The following WDR87 variants were observed in gnomAD, a reference collection of about 807,000 sequenced individuals.
WDR87 encodes the protein WD repeat-containing protein 87.
In WDR87, 56 loss-of-function variants were observed where a neutral mutation model predicts 83.3. That is an observed-to-expected ratio of 0.67 (90% CI 0.54 to 0.84). WDR87 has a LOEUF of 0.84. WDR87 is among the 40% of genes least tolerant of loss of function. The pLI, the probability that WDR87 is intolerant of heterozygous loss-of-function variation, is 0.00. For missense variants in WDR87, 2,939 were observed against 3,431.9 expected, an observed-to-expected ratio of 0.86 and a Z score of 3.59; for synonymous variants, 1,173 against 1,250.6, an observed-to-expected ratio of 0.94 and a Z score of 1.31.
In WDR87 at chr19:37,887,265, T is replaced by C. The variant is rs1318113895; in HGVS notation, c.6406A>G (p.Met2136Val). ...ERKLTQEEIK[M>V]TKMKRALFVK... ...AAGAGTGCCCTCTTCATCTTTGTCATTTTTATTTCTTCCTGTGTTAGTTTC... is the reference window on the plus strand; with the variant it reads ...AAGAGTGCCCTCTTCATCTTTGTCACTTTTATTTCTTCCTGTGTTAGTTTC... Residue 2136 changes from methionine to valine, a missense_variant, in exon 6 of 6, where the codon ATG becomes GTG. This residue lies in a region of WDR87 where 2,160 missense variants were observed against 2,533.1 expected (regional missense o/e 0.85). Coordinates refer to ENST00000447313, the MANE Select transcript of WDR87 (RefSeq NM_001291088.2). The C allele has an allele frequency of 1.9e-6, 3 of 1,551,322 alleles. No individual in the cohort carries two copies. The highest frequency in any genetic ancestry group is 4.9e-5 in the East Asian group (2 of 40,908).
Position 37,886,643 on chromosome 19 carries a change from T to C in WDR87, c.7028A>G (p.Glu2343Gly), listed in dbSNP as rs756437293. ...KKKEEVQEKE[E>G]VFEEKEEIMS... Reference sequence around the variant, plus strand: ...AATTTCTTCTTTCTCCTCAAACACTTCTTCCTTCTCCTGAACCTCCTCCTT... The same window carrying C: ...AATTTCTTCTTTCTCCTCAAACACTCCTTCCTTCTCCTGAACCTCCTCCTT... Residue 2343 changes from glutamate (E) to glycine (G), a missense_variant, in exon 6 of 6, where the codon GAA becomes GGA. By Grantham distance (98) the Glu-to-Gly change is moderately conservative. Transcript: ENST00000447313. 6.6e-6 allele frequency: 10 copies of C among 1,521,260 alleles called. No individual in the cohort carries two copies. The South Asian group carries it at 1.2e-4, about 19-fold the overall frequency. The allele number at this position is 1,521,260 out of a possible 1,614,324, so 94.2% of individuals were successfully genotyped here.
In WDR87 at chr19:37,886,943, T is replaced by G; in HGVS notation, c.6728A>C (p.Lys2243Thr). The change falls in exon 6 of 6, where the codon AAG becomes ACG. Residue 2243 changes from lysine to threonine, a missense_variant. Transcript: ENST00000447313. Reference sequence around the variant, plus strand: ...CTTTTCTTTTGGTTTGTCACCTCTCTTGGCCTCTTTCCTCTTTCTCCACCT... The same window carrying G: ...CTTTTCTTTTGGTTTGTCACCTCTCGTGGCCTCTTTCCTCTTTCTCCACCT... ...KRRWRKRKEAKRGDKPKEKFS... is the reference protein window; with the variant it reads ...KRRWRKRKEATRGDKPKEKFS... 1 of 1,552,022 alleles carries G rather than the reference T, an allele frequency of 6.4e-7. No individual in the cohort carries two copies. The highest frequency in any genetic ancestry group is 1.4e-5 in the African/African-American group (1 of 73,144).
At chr19:37,900,252 C>T (rs1038694833) in intron 1 of WDR87, among the ~76,000 whole-genome samples, 2 of 152,084 alleles carry the variant, frequency 1.3e-5, no homozygotes, top group Non-Finnish European at 2.9e-5. Flanking sequence ...GTGTTTGAGT[C>T]TACAAAGGGC....
chr19:37,902,076 A>G (rs868191150), intron 1 of WDR87, among the ~76,000 whole-genome samples: 2 of 151,952 alleles, frequency 1.3e-5, no homozygotes, highest in Middle Eastern at 3.4e-3. Flanking sequence ...TTCCCACACC[A>G]TAGACCAGTT....
intron 3 of WDR87, 160 bp downstream of exon 3, chr19:37,895,978 T>C: frequency 9.9e-7 from 1 of 1,014,462 alleles, no homozygotes; most frequent in Non-Finnish European, 1.4e-6. Context: ...TACAACCTAC[T>C]CAACATGGGG....
At position 37,889,741 on chromosome 19, in the gene WDR87, T is replaced by A; in HGVS notation, c.3930A>T (p.Thr1310=). The A allele has an allele frequency of 6.4e-7, 1 of 1,551,722 alleles. No homozygotes were observed. Among genetic ancestry groups the A allele is most frequent in the Non-Finnish European group, 8.7e-7 (1 of 1,146,994 alleles). The change falls in exon 6 of 6, where the codon ACA becomes ACT. Residue 1310 remains threonine (T), a synonymous_variant. Coordinates refer to ENST00000447313, the MANE Select transcript of WDR87 (RefSeq NM_001291088.2). ...TATCTACCAGCATCTCCTGAGCAAA[T>A]GTCACTAGCTCAGCGTTTAGGTTTT... ...MSENLNAELV[T]FAQEMLVDRH...
chr19:37,889,444 G>C lies in WDR87; in HGVS notation c.4227C>G (p.Gly1409=), dbSNP rs898346777. The change falls in exon 6 of 6, where the codon GGC becomes GGG. Residue 1409 remains glycine (G), a synonymous_variant. Coordinates refer to ENST00000447313, the MANE Select transcript of WDR87 (RefSeq NM_001291088.2). The stretch of plus-strand genomic sequence containing the variant: ...CTGGTTCTAAAAAAATAACTTTCTT[G>C]CCCTTTTTCAAAATCACTTGGGTTT... The part of the protein sequence containing the change: ...LEETQVILKK[G]KKVIFLEPGN... 6.4e-7 allele frequency: 1 copy of C among 1,551,380 alleles called. No homozygotes were observed. Among genetic ancestry groups the C allele is most frequent in the Non-Finnish European group, 8.7e-7 (1 of 1,147,004 alleles).
intron 3 of WDR87, 83 bp downstream of exon 3, chr19:37,896,055 C>T (rs907914065): frequency 7.4e-5 from 110 of 1,489,546 alleles, no homozygotes; most frequent in Non-Finnish European, 9.9e-5. Flanking sequence ...TGGGGAATAT[C>T]CTCCTTTGTC....
chr19:37,892,462 GCT>G, intron 4 of WDR87, 114 bp downstream of exon 4: 1 of 996,342 alleles, frequency 1.0e-6, no homozygotes, highest in East Asian at 2.6e-5. Flanking sequence ...GTGAGCAAAG[GCT>G]ATGAGAAAGA....
In WDR87 at chr19:37,893,765, T is replaced by C; in HGVS notation, c.1938A>G (p.Ser646=). The C allele has an allele frequency of 6.4e-7, 1 of 1,551,470 alleles. No individual in the cohort carries two copies. The highest frequency in any genetic ancestry group is 8.7e-7 in the Non-Finnish European group (1 of 1,146,992). ...CAAAACAGACTGGGCCAAAGTGCAG[T>C]GATGAGTCCAGAATGCCTATGAGTC... ...HGRLIGILDS[S]LHFGPVCFAN... is the part of the protein sequence containing the mutation. Residue 646 remains serine (S), a synonymous_variant, in exon 4 of 6, where the codon TCA becomes TCG. Coordinates refer to ENST00000447313, the MANE Select transcript of WDR87 (RefSeq NM_001291088.2).
Position 37,893,307 on chromosome 19 carries a change from C to G in WDR87, c.2396G>C (p.Gly799Ala), listed in dbSNP as rs1444949570. 1 of 1,551,600 alleles carries G rather than the reference C, an allele frequency of 6.4e-7. No individual in the cohort carries two copies. Among genetic ancestry groups the G allele is most frequent in the East Asian group, 2.4e-5 (1 of 40,938 alleles). Reference sequence around the variant, plus strand: ...TCGCAATATCTGATAGGGGTTGAGTCCATCCCAGCTAGTCAGTTGTAGCTG... The same window carrying G: ...TCGCAATATCTGATAGGGGTTGAGTGCATCCCAGCTAGTCAGTTGTAGCTG... ...PPQLQLTSWD[G>A]LNPYQILRYY... The change falls in exon 4 of 6, where the codon GGA becomes GCA. Residue 799 changes from glycine to alanine, a missense_variant. This residue lies in a region of WDR87 where 2,160 missense variants were observed against 2,533.1 expected (regional missense o/e 0.85). Coordinates refer to ENST00000447313, the MANE Select transcript of WDR87 (RefSeq NM_001291088.2).
chr19:37,894,388 TTG>T lies in WDR87; in HGVS notation c.1313_1314del (p.Thr438AsnfsTer94). On this transcript the variant is annotated frameshift_variant, in exon 4 of 6. Transcript: ENST00000447313. LOFTEE classifies it high-confidence loss of function. ...TACTTGGCTGGGCAAGGGCAGCGGGTTGTGTCAAATACCAGAACCTCTGAGCT... is the reference window on the plus strand; with the variant it reads ...TACTTGGCTGGGCAAGGGCAGCGGGTTGTCAAATACCAGAACCTCTGAGCT... ...TGSSEVLVFD[T>X]TRCPCPAKYL... is the part of the protein sequence containing the mutation. 2.6e-6 allele frequency: 4 copies of T among 1,551,642 alleles called. No individual in the cohort carries two copies. The South Asian group carries it at 4.8e-5, about 18-fold the overall frequency.
Position 37,891,634 on chromosome 19 carries a change from A to T in WDR87, c.3312T>A (p.Pro1104=). 1 of 1,551,844 alleles carries T rather than the reference A, an allele frequency of 6.4e-7. No homozygotes were observed. Among genetic ancestry groups the T allele is most frequent in the Non-Finnish European group, 8.7e-7 (1 of 1,147,042 alleles). Residue 1104 remains proline (P), a synonymous_variant, in exon 5 of 6, where the codon CCT becomes CCA. Coordinates refer to ENST00000447313, the MANE Select transcript of WDR87 (RefSeq NM_001291088.2). Reference sequence around the variant, plus strand: ...CTTCAGATTCTTCAGAAACTGTAGGAGGTTTCAGGGAGGATTTAAGTTCAG... The same window carrying T: ...CTTCAGATTCTTCAGAAACTGTAGGTGGTTTCAGGGAGGATTTAAGTTCAG... ...MPSELKSSLK[P]PTVSEESEVA...
chr19:37,898,531 G>A (rs368087539), intron 1 of WDR87, among the ~76,000 whole-genome samples: 4 of 152,124 alleles, frequency 2.6e-5, no homozygotes, highest in Admixed American at 6.5e-5. Context: ...TGTTCCTGTC[G>A]TAACCCAGTA....
chr19:37,904,659 T>C (rs2046312809), intron 1 of WDR87, among the ~76,000 whole-genome samples: 1 of 152,132 alleles, frequency 6.6e-6, no homozygotes, highest in Non-Finnish European at 1.5e-5. Context: ...TGGCCAAAAA[T>C]ATTTTTCTTA....
chr19:37,904,994 T>G (rs1256114616), intron 1 of WDR87, among the ~76,000 whole-genome samples: 6 of 152,102 alleles, frequency 3.9e-5, no homozygotes, highest in Non-Finnish European at 8.8e-5. Flanking sequence ...CCCAGCATTT[T>G]GGGAGGCCGA....
In WDR87 at chr19:37,886,990, CTCT is replaced by C. The variant is rs564155810; in HGVS notation, c.6678_6680del (p.Glu2227del). On this transcript the variant is annotated inframe_deletion, in exon 6 of 6. Transcript: ENST00000447313. ...ACCTTCGTTTAAGGAATGGGATTAC[CTCT>C]TCTTCTTCTATTCCTCCTTCCTCTT... 2.7e-5 allele frequency: 42 copies of C among 1,551,744 alleles called. No individual in the cohort carries two copies. The highest frequency in any genetic ancestry group is 1.2e-4 in the African/African-American group (9 of 72,962).
rs949075126 is a variant in WDR87 at position 37,894,802 on chromosome 19, C to T, written c.901G>A (p.Ala301Thr). The part of the protein sequence containing the change: ...SRPEAHTLLT[A>T]GSDSLIKEWN... ...TCCTTGATTAGGCTGTCACTACCAG[C>T]TGTTAGCAGGGTGTGGGCCTCTGGT... Residue 301 changes from alanine (A) to threonine (T), a missense_variant, in exon 4 of 6, where the codon GCT (alanine) becomes ACT (threonine). Physicochemically the swap from Ala to Thr is moderately conservative, Grantham distance 58. This residue lies in a region of WDR87 where 553 missense variants were observed against 577.9 expected (regional missense o/e 0.96). Coordinates refer to ENST00000447313, the MANE Select transcript of WDR87 (RefSeq NM_001291088.2). The T allele has an allele frequency of 5.8e-6, 9 of 1,551,628 alleles. No individual in the cohort carries two copies. In the East Asian group the frequency reaches 2.2e-4, roughly 38 times the overall value.
chr19:37,892,639 T>C lies in WDR87; in HGVS notation c.3064A>G (p.Ile1022Val). The change falls in exon 4 of 6, where the codon ATC (isoleucine) becomes GTC (valine). Residue 1022 changes from isoleucine (I) to valine (V), a missense_variant. Coordinates refer to ENST00000447313, the MANE Select transcript of WDR87 (RefSeq NM_001291088.2). ...TGTAAGAGTGAGGTCCTAGAGTGGA[T>C]TCCAATCTCAGCCATGAGGCTTAGG... ...KTLSLMAEIGIHSRTSLLQLT... is the reference protein window; with the variant it reads ...KTLSLMAEIGVHSRTSLLQLT... 1 of 1,547,190 alleles carries C rather than the reference T, an allele frequency of 6.5e-7. No homozygotes were observed. Among genetic ancestry groups the C allele is most frequent in the Non-Finnish European group, 8.7e-7 (1 of 1,143,310 alleles).
Sources: allele counts gnomAD v4.1 joint callset (sites outside exome capture counted in the v4.1 genomes callset), GRCh38; gene constraint gnomAD v4.1.1; regional missense constraint gnomAD v4.1.1; transcripts MANE v1.5; gene names NCBI Gene and HGNC (gene_info 2026-07-23, HGNC 2026-07-21).